The following MSRA variants were observed in gnomAD, a reference collection of about 807,000 sequenced individuals.
The protein encoded by MSRA is methionine sulfoxide reductase A.
Under a neutral mutation model 31.3 loss-of-function variants are expected in MSRA, and 54 were observed. The ratio of observed to expected loss-of-function variants is 1.73; its 90% CI spans 1.39 to 2.17. The LOEUF is 2.17. Ranked by LOEUF, MSRA falls within the 30% of genes most tolerant of loss-of-function variation. MSRA has a pLI of 0.00. For synonymous variants in MSRA, 169 were observed against 116.5 expected, an observed-to-expected ratio of 1.45 and a Z score of -2.90; for missense variants, 507 against 300.9, an observed-to-expected ratio of 1.69 and a Z score of -5.07.
intron 1 of MSRA, among the ~76,000 whole-genome samples, chr8:10,164,392 TG>T (rs1205408445): frequency 6.6e-6 from 1 of 152,204 alleles, no homozygotes; most frequent in Non-Finnish European, 1.5e-5. Flanking sequence ...GGCTGCTGGC[TG>T]GGTTTCTCCA....
chr8:10,420,401 G>T (rs888588699), intron 5 of MSRA, among the ~76,000 whole-genome samples: 1 of 152,072 alleles, frequency 6.6e-6, no homozygotes, highest in Non-Finnish European at 1.5e-5. Flanking sequence ...AAAATATGGG[G>T]AGACTCTTTG....
intron 1 of MSRA, among the ~76,000 whole-genome samples, chr8:10,111,531 G>C (rs190934852): frequency 1.2e-3 from 189 of 152,276 alleles, no homozygotes; most frequent in African/African-American, 4.4e-3. Flanking sequence ...ATCATAGGGA[G>C]GGACCATCAG....
At chr8:10,419,721 G>A (rs1353038381) in intron 5 of MSRA, among the ~76,000 whole-genome samples, 1 of 152,184 alleles carries the variant, frequency 6.6e-6, no homozygotes, top group Non-Finnish European at 1.5e-5. Flanking sequence ...GGTGGCGCTT[G>A]GTGTTTAGAG....
chr8:10,078,177 A>G (rs1465074762), intron 1 of MSRA, among the ~76,000 whole-genome samples: 3 of 152,140 alleles, frequency 2.0e-5, no homozygotes, highest in Non-Finnish European at 4.4e-5. Flanking sequence ...GAGCACTATA[A>G]AGATGTCTCT....
At chr8:10,263,253 C>A (rs146068315) in intron 3 of MSRA, among the ~76,000 whole-genome samples, 1,950 of 152,328 alleles carry the variant, frequency 0.013, 14 homozygotes, top group African/African-American at 0.027. Context: ...TTCTTCCCTA[C>A]TGGCCTCACC....
chr8:10,230,214 A>C (rs971862570), intron 2 of MSRA, among the ~76,000 whole-genome samples: 2 of 152,230 alleles, frequency 1.3e-5, no homozygotes, highest in Non-Finnish European at 2.9e-5. Context: ...TCCATAGGGT[A>C]GACTATGTAC....
intron 5 of MSRA, among the ~76,000 whole-genome samples, chr8:10,349,480 C>T (rs977809342): frequency 1.3e-5 from 2 of 152,162 alleles, no homozygotes; most frequent in Non-Finnish European, 2.9e-5. Context: ...CACCCCACTT[C>T]CCTTTGGTAT....
chr8:10,249,129 T>A (rs955251116), intron 3 of MSRA, among the ~76,000 whole-genome samples: 2 of 145,988 alleles, frequency 1.4e-5, no homozygotes, highest in Non-Finnish European at 3.1e-5. Flanking sequence ...ACTTTTAAGT[T>A]GTATCACTAA....
chr8:10,079,014 C>T (rs1015092416), intron 1 of MSRA, among the ~76,000 whole-genome samples: 4 of 152,186 alleles, frequency 2.6e-5, no homozygotes, highest in African/African-American at 9.7e-5. Context: ...CGTGTTGTTC[C>T]AGTATTCACC....
intron 1 of MSRA, among the ~76,000 whole-genome samples, chr8:10,093,219 T>C (rs1798945419): frequency 6.6e-6 from 1 of 152,206 alleles, no homozygotes; most frequent in South Asian, 2.1e-4. Flanking sequence ...GATTTACTTA[T>C]GCTATTGGGC....
At chr8:10,085,484 G>A (rs860068) in intron 1 of MSRA, among the ~76,000 whole-genome samples, 32,292 of 152,100 alleles carry the variant, frequency 0.21, 3,671 homozygotes, top group East Asian at 0.39. Context: ...GAAGATGAGC[G>A]GAACCTCTTT....
chr8:10,110,760 T>C (rs1218655481), intron 1 of MSRA, among the ~76,000 whole-genome samples: 8 of 152,220 alleles, frequency 5.3e-5, no homozygotes, highest in Admixed American at 5.2e-4. Flanking sequence ...GGTGCTGCGA[T>C]CTTTCTATCC....
intron 1 of MSRA, among the ~76,000 whole-genome samples, chr8:10,110,984 C>G (rs913201457): frequency 6.6e-6 from 1 of 152,156 alleles, no homozygotes; most frequent in East Asian, 1.9e-4. Flanking sequence ...AGGAAAGTCA[C>G]ATTTTTATGT....
intron 3 of MSRA, among the ~76,000 whole-genome samples, chr8:10,259,395 A>T (rs1390353373): frequency 6.6e-6 from 1 of 152,188 alleles, no homozygotes; most frequent in Non-Finnish European, 1.5e-5. Flanking sequence ...GTTAATTCAC[A>T]GGTTGGTGAA....
intron 2 of MSRA, among the ~76,000 whole-genome samples, chr8:10,217,648 C>G (rs540040230): frequency 1.3e-5 from 2 of 152,268 alleles, no homozygotes; most frequent in Admixed American, 1.3e-4. Flanking sequence ...TCCCCACTCC[C>G]TCCCCCTCTT....
chr8:10,337,664 G>A (rs1803139860), intron 5 of MSRA: 1 of 696,530 alleles, frequency 1.4e-6, no homozygotes, highest in Non-Finnish European at 2.6e-6. Flanking sequence ...GTCATCCGGT[G>A]AATGATTTTT....
chr8:10,247,866 C>T (rs1005587339), intron 3 of MSRA, among the ~76,000 whole-genome samples: 1 of 152,156 alleles, frequency 6.6e-6, no homozygotes, highest in African/African-American at 2.4e-5. Context: ...AGAAGTGGTA[C>T]AGCCTTCAGA....
rs532791391 is a variant in MSRA, at chr8:10,371,345, G to A, written c.543+51356G>A. ...AGCGCGCTCTCATGCTGGACATGGG[G>A]AGAGTGTCCTCAGTCCCCAAACCTG... is the stretch of plus-strand genomic sequence containing the variant. On this transcript the variant is annotated intron_variant, in intron 5 of 5. Coordinates refer to ENST00000317173, the MANE Select transcript of MSRA (RefSeq NM_012331.5). 2.0e-5 allele frequency among the ~76,000 whole-genome samples: 3 copies of A among 152,144 alleles called. No individual in the cohort carries two copies. In the East Asian group the frequency reaches 5.8e-4, roughly 30 times the overall value.
chr8:10,301,858 C>G (rs866767692), intron 4 of MSRA, among the ~76,000 whole-genome samples: 1 of 152,114 alleles, frequency 6.6e-6, no homozygotes, highest in Non-Finnish European at 1.5e-5. Context: ...TTACAGCTGT[C>G]AGGGGTGGGA....
Sources: allele counts gnomAD v4.1 joint callset (sites outside exome capture counted in the v4.1 genomes callset), GRCh38; gene constraint gnomAD v4.1.1; transcripts MANE v1.5; gene names NCBI Gene and HGNC (gene_info 2026-07-23, HGNC 2026-07-21).